The following CSMD3 variants were observed in gnomAD, a reference collection of about 807,000 sequenced individuals.
CSMD3 encodes CUB and Sushi multiple domains 3.
In CSMD3, 177 loss-of-function variants were observed where a neutral mutation model predicts 435.2. The ratio of observed to expected loss-of-function variants is 0.41; its 90% CI spans 0.36 to 0.46. The LOEUF is 0.46. Ranked by LOEUF, CSMD3 falls within the 20% of genes least tolerant of loss-of-function variation. The pLI, the probability that CSMD3 is intolerant of heterozygous loss-of-function variation, is 0.34. For missense variants in CSMD3, 4,265 were observed against 4,504.6 expected (o/e 0.95, Z 1.52); for synonymous variants, 1,656 against 1,520.5 (o/e 1.09, Z -2.07).
intron 4 of CSMD3, among the ~76,000 whole-genome samples, chr8:113,100,116 T>C (rs1027086741): frequency 6.6e-6 from 1 of 152,118 alleles, no homozygotes; most frequent in Non-Finnish European, 1.5e-5. Flanking sequence ...ATGCATCAAA[T>C]AGTATTAGCT....
intron 20 of CSMD3, among the ~76,000 whole-genome samples, chr8:112,642,254 C>A (rs1035028536): frequency 6.6e-6 from 1 of 151,966 alleles, no homozygotes; most frequent in Non-Finnish European, 1.5e-5. Flanking sequence ...AGTCCAACTT[C>A]TAAAAGTCTA....
At chr8:112,783,168 A>C (rs564038689) in intron 13 of CSMD3, among the ~76,000 whole-genome samples, 5 of 152,050 alleles carry the variant, frequency 3.3e-5, no homozygotes, top group Admixed American at 2.6e-4. Flanking sequence ...AAACAGACAT[A>C]ATAAAAATTT....
chr8:112,309,571 G>A (rs947806935), intron 50 of CSMD3, among the ~76,000 whole-genome samples: 1 of 151,848 alleles, frequency 6.6e-6, no homozygotes, highest in African/African-American at 2.4e-5. Context: ...CTATTCATTG[G>A]TCGAAGGAAA....
intron 7 of CSMD3, among the ~76,000 whole-genome samples, chr8:112,963,290 A>G (rs1446701933): frequency 6.6e-6 from 1 of 151,970 alleles, no homozygotes; most frequent in Non-Finnish European, 1.5e-5. Context: ...ATGGTTCCTT[A>G]TGGTTTCTTT....
intron 22 of CSMD3, among the ~76,000 whole-genome samples, chr8:112,610,325 A>G (rs1395286810): frequency 6.8e-6 from 1 of 147,240 alleles, no homozygotes; most frequent in East Asian, 2.0e-4. Flanking sequence ...ACCTCAGTAA[A>G]GCTAAAATTA....
intron 13 of CSMD3, among the ~76,000 whole-genome samples, chr8:112,737,769 C>T (rs2077218230): frequency 6.6e-6 from 1 of 151,788 alleles, no homozygotes. Flanking sequence ...AGGACTGATG[C>T]CTACAATTCT....
At chr8:112,689,456 T>C (rs2076084600) in intron 14 of CSMD3, among the ~76,000 whole-genome samples, 1 of 151,966 alleles carries the variant, frequency 6.6e-6, no homozygotes, top group East Asian at 1.9e-4. Flanking sequence ...CAAGCAAAAA[T>C]AAGTTAGTGC....
chr8:112,919,941 T>A (rs926160426), intron 10 of CSMD3, among the ~76,000 whole-genome samples: 1 of 151,870 alleles, frequency 6.6e-6, no homozygotes, highest in Non-Finnish European at 1.5e-5. Flanking sequence ...GGGTGTAAAC[T>A]GGTCAAGTTT....
chr8:112,280,359 C>A (rs1393429381), intron 59 of CSMD3, among the ~76,000 whole-genome samples: 2 of 152,032 alleles, frequency 1.3e-5, no homozygotes, highest in African/African-American at 4.8e-5. Context: ...CATCCTTGAC[C>A]TCCTGGGCTC....
chr8:113,252,140 C>G (rs1322242779), intron 3 of CSMD3, among the ~76,000 whole-genome samples: 1 of 152,026 alleles, frequency 6.6e-6, no homozygotes, highest in Non-Finnish European at 1.5e-5. Context: ...CTCAGCAAGT[C>G]TTCTACTATT....
chr8:113,205,755 A>C (rs1289696789), intron 3 of CSMD3, among the ~76,000 whole-genome samples: 1 of 152,220 alleles, frequency 6.6e-6, no homozygotes, highest in East Asian at 1.9e-4. Context: ...GGAAACACAG[A>C]TGAAACAACT....
chr8:112,613,770 C>T (rs1005585773), intron 22 of CSMD3, among the ~76,000 whole-genome samples: 5 of 152,054 alleles, frequency 3.3e-5, no homozygotes, highest in African/African-American at 1.2e-4. Context: ...ATAATAACTG[C>T]CTTTTTCATG....
chr8:112,548,390 C>A (rs1563688556), intron 27 of CSMD3, among the ~76,000 whole-genome samples: 1 of 152,118 alleles, frequency 6.6e-6, no homozygotes, highest in African/African-American at 2.4e-5. Flanking sequence ...TCTATTCCCC[C>A]TGGCATATTA....
chr8:112,506,186 T>C (rs1822494666), intron 29 of CSMD3, among the ~76,000 whole-genome samples: 1 of 152,152 alleles, frequency 6.6e-6, no homozygotes. Context: ...TTATGCTAAA[T>C]TTTTATGAGT....
intron 10 of CSMD3, among the ~76,000 whole-genome samples, chr8:112,864,146 A>G (rs767017357): frequency 6.6e-6 from 1 of 152,176 alleles, no homozygotes; most frequent in African/African-American, 2.4e-5. Context: ...TATCTAACAC[A>G]ATATGCTGTA....
At chr8:113,404,154 A>C (rs2094522247) in intron 1 of CSMD3, among the ~76,000 whole-genome samples, 1 of 151,412 alleles carries the variant, frequency 6.6e-6, no homozygotes, top group Admixed American at 6.6e-5. Context: ...CCTTTTAAAA[A>C]TCCATAGCTC....
At chr8:112,954,549 A>T in intron 8 of CSMD3, 135 bp downstream of exon 8, 1 of 634,868 alleles carries the variant, frequency 1.6e-6, no homozygotes, top group Non-Finnish European at 2.8e-6. Context: ...AATAATCATC[A>T]TGCATGTTAC....
chr8:112,946,121 T>G (rs912287248), intron 9 of CSMD3, among the ~76,000 whole-genome samples: 1 of 151,820 alleles, frequency 6.6e-6, no homozygotes, highest in Non-Finnish European at 1.5e-5. Flanking sequence ...TTCCAATAAA[T>G]CATTAATCTA....
intron 1 of CSMD3, among the ~76,000 whole-genome samples, chr8:113,352,308 A>G (rs547809530): frequency 6.6e-6 from 1 of 152,220 alleles, no homozygotes; most frequent in South Asian, 2.1e-4. Context: ...CAAGAGAGAA[A>G]GCCATGTGAA....
Sources: gnomAD v4.1 joint callset for allele counts (sites outside exome capture counted in the v4.1 genomes callset) on GRCh38, gnomAD v4.1.1 for gene constraint, MANE v1.5 for transcripts, NCBI Gene and HGNC (gene_info 2026-07-23, HGNC 2026-07-21) for gene names.